Variants in ADGRL1 observed in about 807,000 individuals in gnomAD.
The protein encoded by ADGRL1 is CIRL-1.
ADGRL1 carries 31 observed loss-of-function variants against 148.9 expected under a neutral mutation model. The ratio of observed to expected loss-of-function variants is 0.21; its 90% CI spans 0.16 to 0.28. The LOEUF is 0.28. Among genes scored for constraint, ADGRL1 ranks in the 10% least tolerant of loss-of-function variants. ADGRL1 has a pLI of 1.00. For missense variants in ADGRL1, 1,521 were observed against 2,058.8 expected (o/e 0.74, Z 5.05); for synonymous variants, 937 against 900.3 (o/e 1.04, Z -0.73).
rs1385920138 is a variant in ADGRL1 at position 14,157,322 on chromosome 19, T to C, written c.2674A>G (p.Lys892Glu). Reference protein sequence around the residue: ...GLQTDRNTIHKNLCINLFLAE... With the variant: ...GLQTDRNTIHENLCINLFLAE... The stretch of plus-strand genomic sequence containing the variant: ...AGGAAGAGGTTGATGCACAGGTTCT[T>C]GTGGATGGTGTTGCGGTCGGTCTGC... The change falls in exon 14 of 23, where the codon AAG (lysine) becomes GAG (glutamate). Residue 892 changes from lysine to glutamate, a missense_variant. Coordinates refer to ENST00000361434, the MANE Select transcript of ADGRL1 (RefSeq NM_014921.5). This position sits in a 1 kb window ranked among gnomAD's most constrained non-coding sequence, Gnocchi z 7.5. 6.2e-7 allele frequency: 1 copy of C among 1,613,960 alleles called. No individual in the cohort carries two copies. Among genetic ancestry groups the C allele is most frequent in the Non-Finnish European group, 8.5e-7 (1 of 1,180,004 alleles).
chr19:14,196,577 G>A (rs1972278021), intron 1 of ADGRL1, among the ~76,000 whole-genome samples: 1 of 152,112 alleles, frequency 6.6e-6, no homozygotes, highest in South Asian at 2.1e-4. Context: ...CTGAGATTAT[G>A]CCACTGCACT....
Position 14,162,612 on chromosome 19 carries a change from T to C in ADGRL1, c.1189A>G (p.Ser397Gly), listed in dbSNP as rs1290863804. The C allele has an allele frequency of 3.7e-6, 6 of 1,604,494 alleles. No individual in the cohort carries two copies. Among genetic ancestry groups the C allele is most frequent in the Middle Eastern group, 1.7e-4 (1 of 6,058 alleles). The change falls in exon 5 of 23, where the codon AGT (serine) becomes GGT (glycine). Residue 397 changes from serine to glycine, a missense_variant. By Grantham distance (56) the Ser-to-Gly change is moderately conservative (BLOSUM62 0). Around this residue, in one of 8 missense-constraint regions of ADGRL1, gnomAD observed 270 missense variants for 320.4 expected, o/e 0.84. Coordinates refer to ENST00000361434, the MANE Select transcript of ADGRL1 (RefSeq NM_014921.5). The surrounding 1 kb of genome is among the most constrained non-coding windows in gnomAD (Gnocchi z 5.4). ...YSLEFGPPDPSAGPATSPPLS... is the reference protein window; with the variant it reads ...YSLEFGPPDPGAGPATSPPLS... ...GGAAGTGAGTCGTCCTCACCAGCAC[T>C]GGGGTCGGGCGGCCCGAACTCCAGG...
At chr19:14,170,661 A>G (rs1363845731) in intron 4 of ADGRL1, 21 bp downstream of exon 4, 7 of 1,482,796 alleles carry the variant, frequency 4.7e-6, no homozygotes, top group Non-Finnish European at 5.6e-6. Context: ...CCGCATCCGC[A>G]CAAGGAACAA....
rs1163299267 is a variant in ADGRL1 at position 14,153,120 on chromosome 19, C to T, written c.3295-208G>A. ...CCAGCCGATCAGGTTTCACTCTCTT[C>T]TTACTCAGGCCCATCCTCTTCTCCA... On this transcript the variant is annotated intron_variant, in intron 18 of 22. Transcript: ENST00000361434. Among the ~76,000 whole-genome samples the T allele has an allele frequency of 2.0e-5, 3 of 152,226 alleles. No homozygotes were observed. In the East Asian group the frequency reaches 5.8e-4, roughly 29 times the overall value.
intron 1 of ADGRL1, among the ~76,000 whole-genome samples, chr19:14,193,467 G>C (rs1972076161): frequency 6.6e-6 from 1 of 151,972 alleles, no homozygotes; most frequent in Non-Finnish European, 1.5e-5. Context: ...CGTGCCTATA[G>C]TCCCAGCTAC....
At chr19:14,163,497 A>AGAGAGAG (rs1168521164) in intron 4 of ADGRL1, 91 bp from the exon 5 acceptor site, 1 of 717,098 alleles carries the variant, frequency 1.4e-6, no homozygotes, top group African/African-American at 2.1e-5. Flanking sequence ...AGAGAGAGAG[A>AGAGAGAG]GGGGGGAGAG....
chr19:14,197,021 A>T (rs1972302593), intron 1 of ADGRL1, among the ~76,000 whole-genome samples: 1 of 152,106 alleles, frequency 6.6e-6, no homozygotes, highest in Non-Finnish European at 1.5e-5. Flanking sequence ...CATGCCTGTA[A>T]TCCTAGCACT....
chr19:14,201,775 C>A (rs1032370292), intron 1 of ADGRL1, among the ~76,000 whole-genome samples: 2 of 152,064 alleles, frequency 1.3e-5, no homozygotes, highest in African/African-American at 4.8e-5. Flanking sequence ...ACCTGGGATT[C>A]CCAAAGCAAA....
intron 4 of ADGRL1, chr19:14,169,928 A>AGGATCCT (rs942910437): frequency 1.3e-5 from 2 of 152,266 alleles, no homozygotes; most frequent in African/African-American, 4.8e-5. Context: ...CAAGATGGCC[A>AGGATCCT]GGCTCCTGGC....
intron 2 of ADGRL1, among the ~76,000 whole-genome samples, chr19:14,181,754 C>A (rs923838374): frequency 1.1e-4 from 16 of 152,140 alleles, no homozygotes; most frequent in African/African-American, 3.9e-4. Flanking sequence ...TGAACAGCCA[C>A]CGTTCTTCTT....
At chr19:14,182,607 C>T (rs1433228570) in intron 2 of ADGRL1, among the ~76,000 whole-genome samples, 1 of 152,176 alleles carries the variant, frequency 6.6e-6, no homozygotes, top group Admixed American at 6.5e-5. Flanking sequence ...GTTCCTCCAG[C>T]ACCATCTGCC....
intron 4 of ADGRL1, among the ~76,000 whole-genome samples, chr19:14,168,563 G>A (rs371237629): frequency 3.3e-5 from 5 of 152,096 alleles, no homozygotes; most frequent in East Asian, 1.9e-4. Flanking sequence ...GGTCTCTGTC[G>A]GTTGTAGCCC....
In ADGRL1 at chr19:14,159,328, T is replaced by C; in HGVS notation, c.2023+73A>G. 1.3e-6 allele frequency: 2 copies of C among 1,572,256 alleles called. No homozygotes were observed. Among genetic ancestry groups the C allele is most frequent in the Non-Finnish European group, 1.7e-6 (2 of 1,155,422 alleles). ...ATGCCCAAGGGTCGGATAGCCCCCC[T>C]GTGGCCTCCAGGCCAGAACCCCGTG... On this transcript the variant is annotated intron_variant, in intron 10 of 22. Coordinates refer to ENST00000361434, the MANE Select transcript of ADGRL1 (RefSeq NM_014921.5). The surrounding 1 kb of genome is among the most constrained non-coding windows in gnomAD (Gnocchi z 6.0).
At position 14,166,582 on chromosome 19, in the gene ADGRL1, AAGAG is replaced by A. The variant is rs3036177; in HGVS notation, c.395-3180_395-3177del. ...AGAGACAGAGAGAGAGAGAGAGAGA[AAGAG>A]AGAGAGAGAGAGAGACAGCTCACCC... On this transcript the variant is annotated intron_variant, in intron 4 of 22. Coordinates refer to ENST00000361434, the MANE Select transcript of ADGRL1 (RefSeq NM_014921.5). Among the ~76,000 whole-genome samples, 33 of 146,578 alleles carry A rather than the reference AAGAG, an allele frequency of 2.3e-4. 1 individual carries two copies. The highest frequency in any genetic ancestry group is 6.0e-4 in the East Asian group (3 of 5,042).
Position 14,155,208 on chromosome 19 carries a change from G to A in ADGRL1, c.3294+151C>T, listed in dbSNP as rs534255069. 387 of 859,436 alleles carry A rather than the reference G, an allele frequency of 4.5e-4. 1 individual carries two copies. Among genetic ancestry groups the A allele is most frequent in the Non-Finnish European group, 6.5e-4 (362 of 559,482 alleles). 53.2% of individuals were successfully genotyped at this position (859,436 alleles called of 1,614,324 possible). A position where few individuals can be genotyped will look rare whatever the true frequency, so the allele number is the denominator to read the frequency against. On this transcript the variant is annotated intron_variant, in intron 18 of 22. Transcript: ENST00000361434. This position sits in a 1 kb window ranked among gnomAD's most constrained non-coding sequence, Gnocchi z 5.0. ...AACCCTGAGCTCGTGCTCCCCTCCC[G>A]GTGGACGCAGACCTGACCACAGAAG...
chr19:14,189,023 A>T (rs1971764877), intron 1 of ADGRL1, among the ~76,000 whole-genome samples: 1 of 152,048 alleles, frequency 6.6e-6, no homozygotes, highest in Non-Finnish European at 1.5e-5. Flanking sequence ...ACGTGTTGGG[A>T]TTACAGGCAT....
At chr19:14,168,478 G>A (rs1434156411) in intron 4 of ADGRL1, among the ~76,000 whole-genome samples, 1 of 152,110 alleles carries the variant, frequency 6.6e-6, no homozygotes, top group African/African-American at 2.4e-5. Context: ...CAAGGGCTCA[G>A]GCTATCTCTC....
At chr19:14,187,029 G>C (rs1408419329) in intron 1 of ADGRL1, among the ~76,000 whole-genome samples, 1 of 150,234 alleles carries the variant, frequency 6.7e-6, no homozygotes, top group Non-Finnish European at 1.5e-5. Context: ...CGAGCTTCTT[G>C]AGAGAGGCCC....
chr19:14,168,651 C>A (rs921561663), intron 4 of ADGRL1: 3 of 152,248 alleles, frequency 2.0e-5, no homozygotes, highest in Admixed American at 1.3e-4. Flanking sequence ...TGCGGCTTGA[C>A]CTGAGCCTCT....
Sources: gnomAD v4.1 joint callset for allele counts (sites outside exome capture counted in the v4.1 genomes callset) on GRCh38, gnomAD v4.1.1 for gene constraint, gnomAD v4.1.1 regional missense constraint, Gnocchi (gnomAD v3.1) non-coding constraint, MANE v1.5 for transcripts, NCBI Gene and HGNC (gene_info 2026-07-23, HGNC 2026-07-21) for gene names.